The following GOLGB1 variants were observed in gnomAD, a reference collection of about 807,000 sequenced individuals.
GOLGB1 encodes the protein golgin subfamily B member 1.
Under a neutral mutation model 336.9 loss-of-function variants are expected in GOLGB1, and 174 were observed. That is an observed-to-expected ratio of 0.52 (90% confidence interval 0.46 to 0.59). The LOEUF is 0.59. Among genes scored for constraint, GOLGB1 ranks in the 20% least tolerant of loss-of-function variants. The probability of loss-of-function intolerance (pLI) is 0.00; values close to 1 mark genes in which losing one functional copy is unlikely to be tolerated. For missense variants in GOLGB1, 3,331 were observed against 3,645.3 expected, an observed-to-expected ratio of 0.91 and a Z score of 2.22; for synonymous variants, 1,208 against 1,289.2, an observed-to-expected ratio of 0.94 and a Z score of 1.35.
In GOLGB1 at chr3:121,735,673, T is replaced by C. The variant is rs922121312; in HGVS notation, c.-2-4700A>G. On this transcript the variant is annotated intron_variant, in intron 1 of 21. Transcript: ENST00000614479. ...TGGTACTGGATTAGAGTCAGAGATA[T>C]CAGTATGAACTCATGTTTATTTTAA... Among the ~76,000 whole-genome samples the C allele has an allele frequency of 5.9e-5, 9 of 152,320 alleles. No individual in the cohort carries two copies. The East Asian group carries it at 7.7e-4, about 13-fold the overall frequency.
rs761479576 is a variant in GOLGB1 at position 121,719,686 on chromosome 3, T to C, written c.731A>G (p.Gln244Arg). The C allele has an allele frequency of 6.2e-7, 1 of 1,611,080 alleles. No homozygotes were observed. Among genetic ancestry groups the C allele is most frequent in the Non-Finnish European group, 8.5e-7 (1 of 1,178,370 alleles). The stretch of plus-strand genomic sequence containing the variant: ...TTCCACATCTGCCTGGGTTACTAAC[T>C]GAAGAAGCTCATCTTCATGAAGACG... ...QVRLHEDELL[Q>R]LVTQADVETE... Residue 244 changes from glutamine (Q) to arginine (R), a missense_variant, in exon 7 of 22, where the codon CAG becomes CGG. Gln to Arg is a conservative substitution (Grantham distance 43, BLOSUM62 1). Coordinates refer to ENST00000614479, the MANE Select transcript of GOLGB1 (RefSeq NM_001366282.2).
At position 121,694,820 on chromosome 3, in the gene GOLGB1, C is replaced by A. The variant is rs369883940; in HGVS notation, c.5703G>T (p.Leu1901=). Residue 1901 remains leucine (L), a synonymous_variant, in exon 13 of 22, where the codon CTG becomes CTT. Transcript: ENST00000614479. ...GTTCTTCTTGGATTTGCTGATTTAA[C>A]AGGTTCATTTTGGTTACTTCCTCCT... ...MLQEEVTKMN[L]LNQQIQEELS... is the part of the protein sequence containing the mutation. 83 of 1,613,680 alleles carry A rather than the reference C, an allele frequency of 5.1e-5. 1 individual carries two copies. Among genetic ancestry groups the A allele is most frequent in the Non-Finnish European group, 6.6e-5 (78 of 1,179,958 alleles).
chr3:121,682,408 C>CT (rs947351475), intron 14 of GOLGB1, among the ~76,000 whole-genome samples: 50 of 149,232 alleles, frequency 3.4e-4, no homozygotes, highest in East Asian at 7.8e-4. Context: ...TCATACTCTT[C>CT]TTTTTTTTTT....
intron 10 of GOLGB1, among the ~76,000 whole-genome samples, chr3:121,711,164 A>AG (rs1339635869): frequency 6.6e-6 from 1 of 152,198 alleles, no homozygotes; most frequent in Non-Finnish European, 1.5e-5. Context: ...ACTGCACTCC[A>AG]GCATGGGCAA....
Position 121,694,895 on chromosome 3 carries a change from A to G in GOLGB1, c.5628T>C (p.Asn1876=), listed in dbSNP as rs753052760. 4.6e-5 allele frequency: 74 copies of G among 1,613,646 alleles called. No homozygotes were observed. The Middle Eastern group carries it at 6.6e-4, about 14-fold the overall frequency. Reference sequence around the variant, plus strand: ...TTGTTGATATCTGACTCAGTAAGGTATTTTTCTCATTTTCTAAAGTCTGGC... The same window carrying G: ...TTGTTGATATCTGACTCAGTAAGGTGTTTTTCTCATTTTCTAAAGTCTGGC... ...EFSQTLENEK[N]TLLSQISTKD... The change falls in exon 13 of 22, where the codon AAT becomes AAC. Residue 1876 remains asparagine, a synonymous_variant. Transcript: ENST00000614479.
chr3:121,688,397 G>A (rs954169467), intron 14 of GOLGB1, among the ~76,000 whole-genome samples: 38 of 152,364 alleles, frequency 2.5e-4, no homozygotes, highest in Middle Eastern at 3.4e-3. Context: ...TGTGTTGGCC[G>A]GGCTGGTCTC....
chr3:121,741,021 A>G (rs1946816045), intron 1 of GOLGB1, among the ~76,000 whole-genome samples: 1 of 152,122 alleles, frequency 6.6e-6, no homozygotes, highest in Admixed American at 6.5e-5. Flanking sequence ...ATTTTTCAAC[A>G]GCAATGTTTT....
At position 121,729,178 on chromosome 3, in the gene GOLGB1, G is replaced by A. The variant is rs1157177075; in HGVS notation, c.402+10C>T. The stretch of plus-strand genomic sequence containing the variant: ...ACTTAGGAAATATACACTACACCCA[G>A]TCACCATACCTTGGAAAGTTGCTCC... On this transcript the variant is annotated intron_variant, in intron 4 of 21. Coordinates refer to ENST00000614479, the MANE Select transcript of GOLGB1 (RefSeq NM_001366282.2). 6.3e-7 allele frequency: 1 copy of A among 1,594,640 alleles called. No individual in the cohort carries two copies. The highest frequency in any genetic ancestry group is 1.1e-5 in the South Asian group (1 of 87,596).
Position 121,677,307 on chromosome 3 carries a change from A to C in GOLGB1, c.9017T>G (p.Leu3006Arg), listed in dbSNP as rs1189661719. 6.2e-7 allele frequency: 1 copy of C among 1,610,874 alleles called. No individual in the cohort carries two copies. Among genetic ancestry groups the C allele is most frequent in the Admixed American group, 1.7e-5 (1 of 59,866 alleles). ...CACCTGTCTTTGGTATTGCACTTTG[A>C]GAGGCTGAGTCTGGGAGGAAGAAGA... ...LRSSSSQTQP[L>R]KVQYQRQASP... is the part of the protein sequence containing the mutation. The change falls in exon 16 of 22, where the codon CTC becomes CGC. Residue 3006 changes from leucine to arginine, a missense_variant. Leu to Arg is a moderately radical substitution (Grantham distance 102). Transcript: ENST00000614479.
In GOLGB1 at chr3:121,722,303, G is replaced by A; in HGVS notation, c.607C>T (p.Gln203Ter). ...QEKEEFISTL[Q>*]AQLSQTQAEQ... The stretch of plus-strand genomic sequence containing the variant: ...GCCTGTGTCTGGCTGAGCTGGGCTT[G>A]TAAAGTGCTAATGAATTCTTCCTTC... Residue 203 changes from glutamine (Q) to a stop codon, truncating the protein, a stop_gained, in exon 6 of 22, where the codon CAA becomes TAA. Transcript: ENST00000614479. LOFTEE classifies it high-confidence loss of function. 6.2e-7 allele frequency: 1 copy of A among 1,612,690 alleles called. No homozygotes were observed. Among genetic ancestry groups the A allele is most frequent in the Non-Finnish European group, 8.5e-7 (1 of 1,178,758 alleles).
At chr3:121,725,659 TC>T (rs1426463433) in intron 5 of GOLGB1, among the ~76,000 whole-genome samples, 4 of 152,082 alleles carry the variant, frequency 2.6e-5, no homozygotes, top group Non-Finnish European at 5.9e-5. Flanking sequence ...GATGTGAATG[TC>T]CCCTCCAAAA....
At chr3:121,670,390 C>T (rs535844788) in intron 17 of GOLGB1, among the ~76,000 whole-genome samples, 41 of 152,126 alleles carry the variant, frequency 2.7e-4, no homozygotes, top group Non-Finnish European at 4.4e-4. Flanking sequence ...AGAGGAGAGA[C>T]GACAGTTTTC....
At position 121,669,319 on chromosome 3, in the gene GOLGB1, T is replaced by G; in HGVS notation, c.9214A>C (p.Ile3072Leu). Residue 3072 changes from isoleucine (I) to leucine (L), a missense_variant, in exon 18 of 22, where the codon ATT becomes CTT. By Grantham distance (5) the Ile-to-Leu change is conservative. Transcript: ENST00000614479. ...QLLEEKNTLS[I>L]QLCDTSQSLR... ...CTCTGACTGGTATCGCAGAGCTGAA[T>G]GGAAAGGGTGTTTTTCTCTTCCAGT... 1 of 1,614,026 alleles carries G rather than the reference T, an allele frequency of 6.2e-7. No individual in the cohort carries two copies. The highest frequency in any genetic ancestry group is 1.1e-5 in the South Asian group (1 of 91,084).
In GOLGB1 at chr3:121,695,901, G is replaced by T; in HGVS notation, c.4622C>A (p.Thr1541Lys). Reference protein sequence around the residue: ...QVSAQNKEKDTVLGRLALLQE... With the variant: ...QVSAQNKEKDKVLGRLALLQE... ...AAGAAGAGCTAACCTTCCTAAGACCGTATCTTTTTCTTTATTTTGAGCAGA... is the reference window on the plus strand; with the variant it reads ...AAGAAGAGCTAACCTTCCTAAGACCTTATCTTTTTCTTTATTTTGAGCAGA... Residue 1541 changes from threonine to lysine, a missense_variant, in exon 13 of 22, where the codon ACG (threonine) becomes AAG (lysine). By Grantham distance (78) the Thr-to-Lys change is moderately conservative. Coordinates refer to ENST00000614479, the MANE Select transcript of GOLGB1 (RefSeq NM_001366282.2). 3.7e-6 allele frequency: 6 copies of T among 1,613,256 alleles called. No individual in the cohort carries two copies. Among genetic ancestry groups the T allele is most frequent in the African/African-American group, 1.3e-5 (1 of 74,886 alleles).
At position 121,695,882 on chromosome 3, in the gene GOLGB1, A is replaced by G. The variant is rs199972479; in HGVS notation, c.4641T>C (p.Ala1547=). The part of the protein sequence containing the change: ...KEKDTVLGRL[A]LLQEERDKLI... The stretch of plus-strand genomic sequence containing the variant: ...GTTTGTCTCTTTCTTCTTGAAGAAG[A>G]GCTAACCTTCCTAAGACCGTATCTT... The change falls in exon 13 of 22, where the codon GCT becomes GCC. Residue 1547 remains alanine, a synonymous_variant. Transcript: ENST00000614479. 2.1e-5 allele frequency: 34 copies of G among 1,613,744 alleles called. No individual in the cohort carries two copies. The highest frequency in any genetic ancestry group is 3.4e-6 in the Non-Finnish European group (4 of 1,179,794).
At position 121,695,160 on chromosome 3, in the gene GOLGB1, G is replaced by A. The variant is rs749115112; in HGVS notation, c.5363C>T (p.Thr1788Met). The A allele has an allele frequency of 8.3e-5, 134 of 1,613,350 alleles. 2 individuals carry two copies. In the South Asian group the frequency reaches 9.1e-4, roughly 11 times the overall value. The change falls in exon 13 of 22, where the codon ACG becomes ATG. Residue 1788 changes from threonine to methionine, a missense_variant. Thr to Met is a moderately conservative substitution (Grantham distance 81, BLOSUM62 -1). Coordinates refer to ENST00000614479, the MANE Select transcript of GOLGB1 (RefSeq NM_001366282.2). ...CTGTGTTCCCTCTTCAGTGACATTCGTTTGGTTATCATGTTTCTCGGTGGC... is the reference window on the plus strand; with the variant it reads ...CTGTGTTCCCTCTTCAGTGACATTCATTTGGTTATCATGTTTCTCGGTGGC... The part of the protein sequence containing the change: ...LEATEKHDNQ[T>M]NVTEEGTQSI...
chr3:121,713,052 C>G (rs1944473704), intron 10 of GOLGB1, among the ~76,000 whole-genome samples: 1 of 152,022 alleles, frequency 6.6e-6, no homozygotes, highest in South Asian at 2.1e-4. Context: ...ATCCCAGCTA[C>G]TTGGGAGGCT....
At chr3:121,685,520 C>T (rs540182276) in intron 14 of GOLGB1, among the ~76,000 whole-genome samples, 26 of 150,568 alleles carry the variant, frequency 1.7e-4, no homozygotes, top group African/African-American at 5.4e-4. Flanking sequence ...GGCAACAGAG[C>T]GAGACTCTGT....
intron 1 of GOLGB1, among the ~76,000 whole-genome samples, chr3:121,738,805 A>T (rs1367264118): frequency 6.6e-6 from 1 of 152,192 alleles, no homozygotes; most frequent in East Asian, 1.9e-4. Flanking sequence ...CCAGATAAAG[A>T]GCAGGTGAAA....
Sources: allele counts gnomAD v4.1 joint callset (sites outside exome capture counted in the v4.1 genomes callset), GRCh38; gene constraint gnomAD v4.1.1; transcripts MANE v1.5; gene names NCBI Gene and HGNC (gene_info 2026-07-23, HGNC 2026-07-21).